The following HORMAD2 variants were observed in gnomAD, a reference collection of about 807,000 sequenced individuals.
HORMAD2 encodes HORMA domain containing 2.
HORMAD2 carries 45 observed loss-of-function variants against 38.8 expected under a neutral mutation model. The observed-to-expected ratio is 1.16, with a 90% CI of 0.91 to 1.49. HORMAD2 has a LOEUF of 1.49. Ranked by LOEUF, HORMAD2 falls within the 40% of genes most tolerant of loss-of-function variation. The probability of loss-of-function intolerance (pLI) is 0.00; values close to 1 mark genes in which losing one functional copy is unlikely to be tolerated. For synonymous variants in HORMAD2, 126 were observed against 122.8 expected (o/e 1.03, Z -0.17); for missense variants, 338 against 367.0 (o/e 0.92, Z 0.65).
chr22:30,079,691 T>C (rs1413310796), upstream of HORMAD2, among the ~76,000 whole-genome samples: 1 of 151,466 alleles, frequency 6.6e-6, no homozygotes, highest in African/African-American at 2.4e-5. Flanking sequence ...CTTTTTAAAA[T>C]TTTTTTGAGA....
intron 2 of HORMAD2, among the ~76,000 whole-genome samples, chr22:30,095,017 C>T (rs1465588768): frequency 6.6e-6 from 1 of 151,890 alleles, no homozygotes; most frequent in Non-Finnish European, 1.5e-5. Context: ...TTTATTAGGC[C>T]CTAGAAACTA....
intron 10 of HORMAD2, among the ~76,000 whole-genome samples, chr22:30,141,088 C>T (rs1924038076): frequency 6.6e-6 from 1 of 152,074 alleles, no homozygotes; most frequent in African/African-American, 2.4e-5. Flanking sequence ...ACCTCTGCCT[C>T]CTGGGTTCAA....
At chr22:30,166,236 T>C (rs1003231398) in intron 10 of HORMAD2, among the ~76,000 whole-genome samples, 9 of 152,128 alleles carry the variant, frequency 5.9e-5, no homozygotes, top group African/African-American at 1.9e-4. Context: ...CTAGTATCTA[T>C]ATTCCTATTA....
the HORMAD2 span, among the ~76,000 whole-genome samples, chr22:30,199,337 T>G: frequency 6.6e-6 from 1 of 152,228 alleles, no homozygotes; most frequent in East Asian, 1.9e-4. Context: ...TGGAGGGGCT[T>G]CCTTTCCACC....
At chr22:30,183,107 G>T in the HORMAD2 span, among the ~76,000 whole-genome samples, 1 of 152,174 alleles carries the variant, frequency 6.6e-6, no homozygotes, top group African/African-American at 2.4e-5. Context: ...TATTGAAGTA[G>T]CCCCAGAAAT....
At chr22:30,146,619 T>C (rs569055327) in intron 10 of HORMAD2, among the ~76,000 whole-genome samples, 2 of 152,280 alleles carry the variant, frequency 1.3e-5, no homozygotes, top group African/African-American at 4.8e-5. Context: ...TGGTGAAAGA[T>C]TAAACACTTT....
At chr22:30,169,115 G>A (rs932799499) in intron 10 of HORMAD2, among the ~76,000 whole-genome samples, 1 of 152,152 alleles carries the variant, frequency 6.6e-6, no homozygotes, top group African/African-American at 2.4e-5. Flanking sequence ...GTGAATGTCT[G>A]CTCATCTTGC....
At chr22:30,142,934 T>A (rs763128663) in intron 10 of HORMAD2, among the ~76,000 whole-genome samples, 13 of 152,180 alleles carry the variant, frequency 8.5e-5, no homozygotes, top group Admixed American at 8.5e-4. Flanking sequence ...GACATGGCAA[T>A]GTTATCCTTA....
chr22:30,121,198 G>A (rs1922403420), intron 8 of HORMAD2, among the ~76,000 whole-genome samples: 2 of 152,182 alleles, frequency 1.3e-5, no homozygotes, highest in South Asian at 4.1e-4. Context: ...AAGTCCCAGA[G>A]CTGGTGATTG....
intron 10 of HORMAD2, among the ~76,000 whole-genome samples, chr22:30,149,699 C>G (rs1315511010): frequency 6.6e-6 from 1 of 152,142 alleles, no homozygotes; most frequent in African/African-American, 2.4e-5. Flanking sequence ...GGTTTCCTCC[C>G]TCATTTTAGT....
chr22:30,173,159 G>C (rs747557194), intron 10 of HORMAD2, among the ~76,000 whole-genome samples: 14 of 152,350 alleles, frequency 9.2e-5, no homozygotes, highest in African/African-American at 9.6e-5. Context: ...AAGTGGTTAA[G>C]TGTGGGGGAA....
intron 1 of HORMAD2, among the ~76,000 whole-genome samples, chr22:30,093,690 G>A (rs1332940299): frequency 6.6e-6 from 1 of 152,076 alleles, no homozygotes; most frequent in African/African-American, 2.4e-5. Flanking sequence ...CGTTTAGATA[G>A]AGCCTGATAG....
chr22:30,115,390 G>C (rs1445893713), intron 7 of HORMAD2, among the ~76,000 whole-genome samples: 1 of 152,124 alleles, frequency 6.6e-6, no homozygotes, highest in African/African-American at 2.4e-5. Context: ...TTACAGGTGT[G>C]AGCCACTGCA....
In HORMAD2 at chr22:30,093,983, A is replaced by G. The variant is rs1472659009; in HGVS notation, c.31A>G (p.Thr11Ala). 6.2e-7 allele frequency: 1 copy of G among 1,607,922 alleles called. No homozygotes were observed. Among genetic ancestry groups the G allele is most frequent in the Non-Finnish European group, 8.5e-7 (1 of 1,176,086 alleles). ...CACTGCTCAGCTTTCTCACTGCATCACAATACACAAGGCTTCTAAGGTATT... is the reference window on the plus strand; with the variant it reads ...CACTGCTCAGCTTTCTCACTGCATCGCAATACACAAGGCTTCTAAGGTATT... Reference protein sequence around the residue: MATAQLSHCITIHKASKETVF... With the variant: MATAQLSHCIAIHKASKETVF... Residue 11 changes from threonine to alanine, a missense_variant, in exon 2 of 11, where the codon ACA becomes GCA. Thr to Ala is a moderately conservative substitution (Grantham distance 58). Transcript: ENST00000336726.
intron 10 of HORMAD2, among the ~76,000 whole-genome samples, chr22:30,142,929 G>T (rs1216142901): frequency 6.6e-6 from 1 of 152,008 alleles, no homozygotes; most frequent in Non-Finnish European, 1.5e-5. Flanking sequence ...AGTGAGACAT[G>T]GCAATGTTAT....
downstream of HORMAD2, among the ~76,000 whole-genome samples, chr22:30,178,016 C>G (rs745374456): frequency 2.0e-5 from 3 of 152,066 alleles, no homozygotes; most frequent in Non-Finnish European, 4.4e-5. Flanking sequence ...TGTCAGTTGT[C>G]AAAATTTTGA....
At chr22:30,161,339 T>C (rs574338822) in intron 10 of HORMAD2, among the ~76,000 whole-genome samples, 2 of 152,348 alleles carry the variant, frequency 1.3e-5, no homozygotes, top group East Asian at 3.9e-4. Context: ...TTCAAGCAAA[T>C]GACCTACATA....
At chr22:30,136,367 G>C (rs1312825031) in intron 10 of HORMAD2, among the ~76,000 whole-genome samples, 1 of 151,750 alleles carries the variant, frequency 6.6e-6, no homozygotes, top group Non-Finnish European at 1.5e-5. Context: ...TTTAGTTATA[G>C]TCACAGAGAT....
At chr22:30,123,285 G>GA (rs1338514424) in intron 10 of HORMAD2, among the ~76,000 whole-genome samples, 1 of 151,700 alleles carries the variant, frequency 6.6e-6, no homozygotes, top group Non-Finnish European at 1.5e-5. Context: ...ATAGAAAGGG[G>GA]AAAAAAAATG....
Sources: allele counts gnomAD v4.1 joint callset (sites outside exome capture counted in the v4.1 genomes callset), GRCh38; gene constraint gnomAD v4.1.1; transcripts MANE v1.5; gene names NCBI Gene and HGNC (gene_info 2026-07-23, HGNC 2026-07-21).